Variants in MICAL3 observed in about 807,000 individuals in gnomAD.
The protein encoded by MICAL3 is [F-actin]-monooxygenase MICAL3.
Under a neutral mutation model 207.4 loss-of-function variants are expected in MICAL3, and 62 were observed. The ratio of observed to expected loss-of-function variants is 0.30; its 90% CI spans 0.24 to 0.37. The LOEUF is 0.37. MICAL3 is among the 10% of genes least tolerant of loss of function. The pLI is 1.00. For missense variants in MICAL3, 2,368 were observed against 2,635.6 expected (o/e 0.90, Z 2.22); for synonymous variants, 1,077 against 1,069.3 (o/e 1.01, Z -0.14).
Position 17,841,804 on chromosome 22 carries a change from G to A in MICAL3, c.2801+18C>T, listed in dbSNP as rs1367791933. On this transcript the variant is annotated intron_variant, in intron 20 of 31. Transcript: ENST00000441493. This position sits in a 1 kb window ranked among gnomAD's most constrained non-coding sequence, Gnocchi z 4.2. ...GGGCCGTGTGGCGGGTGGGCGCCCT[G>A]CAGCCCTGCGTGCTGACCTGCTGGC... 6.5e-7 allele frequency: 1 copy of A among 1,541,552 alleles called. No individual in the cohort carries two copies. Among genetic ancestry groups the A allele is most frequent in the Non-Finnish European group, 8.7e-7 (1 of 1,145,802 alleles).
chr22:17,991,633 G>T (rs402617), intron 1 of MICAL3, among the ~76,000 whole-genome samples: 1 of 151,982 alleles, frequency 6.6e-6, no homozygotes, highest in Non-Finnish European at 1.5e-5. Flanking sequence ...AGGAAGCAGA[G>T]ATCAGGTGTT....
Position 17,902,865 on chromosome 22 carries a change from C to G in MICAL3, c.473-118G>C. ...CCCCCTTCATTCAGATTCCCAAAGC[C>G]TGCTGTAGCAGGAGACCTTCCAAAG... On this transcript the variant is annotated intron_variant, in intron 3 of 31. Coordinates refer to ENST00000441493, the MANE Select transcript of MICAL3 (RefSeq NM_015241.3). The surrounding 1 kb of genome is among the most constrained non-coding windows in gnomAD (Gnocchi z 4.5). 1 of 632,328 alleles carries G rather than the reference C, an allele frequency of 1.6e-6. No homozygotes were observed. 39.2% of individuals were successfully genotyped at this position (632,328 alleles called of 1,614,324 possible).
chr22:17,818,785 T>C lies in MICAL3; in HGVS notation c.3876A>G (p.Pro1292=), dbSNP rs371325080. The part of the protein sequence containing the change: ...FQPAPAKTST[P]LAPLPVQSQS... ...GGCTTTGGACAGGGAGAGGGGCCAG[T>C]GGGGTGGATGTTTTGGCCGGGGCAG... Residue 1292 remains proline, a synonymous_variant, in exon 26 of 32, where the codon CCA becomes CCG. Coordinates refer to ENST00000441493, the MANE Select transcript of MICAL3 (RefSeq NM_015241.3). 1.4e-5 allele frequency: 22 copies of C among 1,570,142 alleles called. No individual in the cohort carries two copies. The African/African-American group carries it at 3.0e-4, about 21-fold the overall frequency.
In MICAL3 at chr22:17,967,773, G is replaced by A. The variant is rs190074101; in HGVS notation, c.-75+56508C>T. Among the ~76,000 whole-genome samples the A allele has an allele frequency of 2.8e-4, 42 of 152,230 alleles. 1 individual carries two copies. In the East Asian group the frequency reaches 7.4e-3, roughly 27 times the overall value. Reference sequence around the variant, plus strand: ...AAAAATGACTAAAAATTGGCTGGGCGTGGTGGCTCACGCCTGTAATCCCAG... The same window carrying A: ...AAAAATGACTAAAAATTGGCTGGGCATGGTGGCTCACGCCTGTAATCCCAG... On this transcript the variant is annotated intron_variant, in intron 1 of 31. Coordinates refer to ENST00000441493, the MANE Select transcript of MICAL3 (RefSeq NM_015241.3).
intron 1 of MICAL3, among the ~76,000 whole-genome samples, chr22:18,007,620 A>G (rs1332983422): frequency 6.6e-6 from 1 of 152,026 alleles, no homozygotes; most frequent in African/African-American, 2.4e-5. Flanking sequence ...GACTTAAACC[A>G]GTTTTGATCA....
chr22:17,798,468 G>A (rs542974090), intron 29 of MICAL3, among the ~76,000 whole-genome samples: 2 of 152,180 alleles, frequency 1.3e-5, no homozygotes, highest in South Asian at 2.1e-4. Flanking sequence ...AAAGAGGCTC[G>A]CTTATTCTCA....
At chr22:17,899,601 T>G in intron 6 of MICAL3, 53 bp from the exon 7 acceptor site, 3 of 1,187,568 alleles carry the variant, frequency 2.5e-6, no homozygotes, top group Non-Finnish European at 3.7e-6. Context: ...TGAAGGTGCA[T>G]CAGGGCAGGC....
chr22:17,900,449 A>G lies in MICAL3; in HGVS notation c.847+393T>C, dbSNP rs1931226509. Among the ~76,000 whole-genome samples, 1 of 152,110 alleles carries G rather than the reference A, an allele frequency of 6.6e-6. No homozygotes were observed. Among genetic ancestry groups the G allele is most frequent in the South Asian group, 2.1e-4 (1 of 4,820 alleles). ...AACTCCGTCTCTACAAGTAATACGA[A>G]AAATTAGCCAGGCATGGTGGAGCTT... On this transcript the variant is annotated intron_variant, in intron 6 of 31. Transcript: ENST00000441493. The surrounding 1 kb of genome is among the most constrained non-coding windows in gnomAD (Gnocchi z 4.0).
intron 1 of MICAL3, among the ~76,000 whole-genome samples, chr22:17,914,981 A>G (rs1168340561): frequency 1.3e-5 from 2 of 152,162 alleles, no homozygotes; most frequent in African/African-American, 2.4e-5. Context: ...AACAGTACAG[A>G]CCAAAAGACC....
At chr22:17,971,096 G>A (rs1313808651) in intron 1 of MICAL3, among the ~76,000 whole-genome samples, 1 of 152,136 alleles carries the variant, frequency 6.6e-6, no homozygotes, top group Admixed American at 6.5e-5. Flanking sequence ...AAGACCACTT[G>A]AGCCCCAGAG....
intron 29 of MICAL3, among the ~76,000 whole-genome samples, chr22:17,801,215 G>C (rs568306963): frequency 2.7e-4 from 29 of 105,740 alleles, no homozygotes; most frequent in South Asian, 6.1e-4. Flanking sequence ...TGCAGTGGCG[G>C]GATCTCGGCT....
chr22:17,806,547 A>C (rs2061991395), intron 29 of MICAL3, among the ~76,000 whole-genome samples: 1 of 152,242 alleles, frequency 6.6e-6, no homozygotes, highest in Non-Finnish European at 1.5e-5. Context: ...TAAGCTGTTA[A>C]AAAAACCAAA....
intron 1 of MICAL3, among the ~76,000 whole-genome samples, chr22:17,953,789 A>G (rs979670242): frequency 1.4e-4 from 22 of 151,802 alleles, no homozygotes; most frequent in Non-Finnish European, 2.1e-4. Context: ...AAATTAGCTG[A>G]ACGCAGTGGT....
intron 25 of MICAL3, 123 bp from the exon 26 acceptor site, chr22:17,819,252 TCC>T (rs2146010434): frequency 9.8e-7 from 1 of 1,022,672 alleles, no homozygotes; most frequent in East Asian, 2.9e-5. Flanking sequence ...TCCCCGTCCT[TCC>T]AGCTGTTATT....
chr22:17,907,574 C>A (rs1931833052), intron 1 of MICAL3, among the ~76,000 whole-genome samples: 1 of 152,050 alleles, frequency 6.6e-6, no homozygotes, highest in Admixed American at 6.6e-5. Flanking sequence ...ATTTGGGAGT[C>A]GCTGGCACAC....
At position 17,980,634 on chromosome 22, in the gene MICAL3, C is replaced by T. The variant is rs539921609; in HGVS notation, c.-75+43647G>A. On this transcript the variant is annotated intron_variant, in intron 1 of 31. Coordinates refer to ENST00000441493, the MANE Select transcript of MICAL3 (RefSeq NM_015241.3). Reference sequence around the variant, plus strand: ...TGAAGCCTATAAGTATTTGTGGCAACGGAGAAAAGGAGGCAGAATCCTCAG... The same window carrying T: ...TGAAGCCTATAAGTATTTGTGGCAATGGAGAAAAGGAGGCAGAATCCTCAG... 3.9e-5 allele frequency among the ~76,000 whole-genome samples: 6 copies of T among 152,346 alleles called. No individual in the cohort carries two copies. In the East Asian group the frequency reaches 5.8e-4, roughly 15 times the overall value.
intron 1 of MICAL3, among the ~76,000 whole-genome samples, chr22:17,912,085 TAGACTCCAGCCTGGGCAACATAGCA>T (rs934200999): frequency 1.3e-5 from 2 of 152,190 alleles, no homozygotes; most frequent in Non-Finnish European, 2.9e-5. Context: ...TCCCAGGAGC[TAGACTCCAGCCTGGGCAACATAGCA>T]AGACCCCATC....
intron 2 of MICAL3, among the ~76,000 whole-genome samples, chr22:17,906,319 T>G (rs984154737): frequency 6.6e-6 from 1 of 152,248 alleles, no homozygotes; most frequent in African/African-American, 2.4e-5. Context: ...TGATTTCTTA[T>G]GCTAGGTTGT....
chr22:17,817,568 T>C lies in MICAL3; in HGVS notation c.5093A>G (p.Lys1698Arg). 6 of 1,613,470 alleles carry C rather than the reference T, an allele frequency of 3.7e-6. No individual in the cohort carries two copies. The highest frequency in any genetic ancestry group is 5.1e-6 in the Non-Finnish European group (6 of 1,179,836). ...GCGGGGGGAGAAGAGTGACGACCTCTTCTTGCTCTTCCCACTGGAGCCCTC... is the reference window on the plus strand; with the variant it reads ...GCGGGGGGAGAAGAGTGACGACCTCCTCTTGCTCTTCCCACTGGAGCCCTC... ...SSEGSSGKSKKRSSLFSPRRN... is the reference protein window; with the variant it reads ...SSEGSSGKSKRRSSLFSPRRN... Residue 1698 changes from lysine to arginine, a missense_variant, in exon 26 of 32, where the codon AAG (lysine) becomes AGG (arginine). Transcript: ENST00000441493.
Sources: gnomAD v4.1 joint callset for allele counts (sites outside exome capture counted in the v4.1 genomes callset) on GRCh38, gnomAD v4.1.1 for gene constraint, Gnocchi (gnomAD v3.1) non-coding constraint, MANE v1.5 for transcripts, NCBI Gene and HGNC (gene_info 2026-07-23, HGNC 2026-07-21) for gene names.